The following PLXDC2 variants were observed in gnomAD, a reference collection of about 807,000 sequenced individuals.
The protein encoded by PLXDC2 is plexin domain-containing protein 2.
In PLXDC2, 40 loss-of-function variants were observed where a neutral mutation model predicts 68.9. That is an observed-to-expected ratio of 0.58 (90% CI 0.45 to 0.76). PLXDC2 has a LOEUF of 0.76. Among genes scored for constraint, PLXDC2 ranks in the 30% least tolerant of loss-of-function variants. The pLI is 0.00. For missense variants in PLXDC2, 644 were observed against 661.9 expected (o/e 0.97, Z 0.30); for synonymous variants, 243 against 234.2 (o/e 1.04, Z -0.34).
At chr10:19,976,422 C>A (rs1195321362) in intron 1 of PLXDC2, among the ~76,000 whole-genome samples, 3 of 152,126 alleles carry the variant, frequency 2.0e-5, no homozygotes, top group Non-Finnish European at 4.4e-5. Flanking sequence ...ACTCTGTTGG[C>A]CAGGCTGGTC....
chr10:20,072,747 A>G (rs1229331731), intron 4 of PLXDC2, among the ~76,000 whole-genome samples: 1 of 152,170 alleles, frequency 6.6e-6, no homozygotes, highest in African/African-American at 2.4e-5. Context: ...GTGGGAAAAC[A>G]CACATGGAGC....
intron 1 of PLXDC2, among the ~76,000 whole-genome samples, chr10:19,945,496 G>A (rs758402844): frequency 1.1e-4 from 17 of 152,164 alleles, no homozygotes; most frequent in Admixed American, 2.0e-4. Flanking sequence ...TGCCAAGGCC[G>A]GGCTGGCCTG....
At chr10:19,859,581 T>A (rs1837281627) in intron 1 of PLXDC2, among the ~76,000 whole-genome samples, 1 of 152,206 alleles carries the variant, frequency 6.6e-6, no homozygotes, top group African/African-American at 2.4e-5. Context: ...TGTAGTGTGT[T>A]GACCTGGGGA....
chr10:20,055,209 G>C (rs956813739), intron 3 of PLXDC2, among the ~76,000 whole-genome samples: 2 of 152,022 alleles, frequency 1.3e-5, no homozygotes, highest in Admixed American at 1.3e-4. Flanking sequence ...TGACATTTCT[G>C]ACTACTTGAA....
chr10:19,894,517 T>A (rs573890884), intron 1 of PLXDC2, among the ~76,000 whole-genome samples: 1 of 152,332 alleles, frequency 6.6e-6, no homozygotes, highest in East Asian at 1.9e-4. Context: ...TTTTCTTTTT[T>A]ACTTGAATTT....
At chr10:19,827,481 G>T (rs1014525322) in intron 1 of PLXDC2, among the ~76,000 whole-genome samples, 1 of 152,078 alleles carries the variant, frequency 6.6e-6, no homozygotes, top group Non-Finnish European at 1.5e-5. Flanking sequence ...AAACAACTGG[G>T]AGACTACGTA....
At chr10:20,265,170 CATAA>C (rs1196458360) in intron 13 of PLXDC2, among the ~76,000 whole-genome samples, 2 of 152,106 alleles carry the variant, frequency 1.3e-5, no homozygotes, top group East Asian at 1.9e-4. Flanking sequence ...GTAGAAAGGG[CATAA>C]ATAAATTATT....
At chr10:20,116,371 C>T (rs184709818) in intron 4 of PLXDC2, among the ~76,000 whole-genome samples, 1 of 152,234 alleles carries the variant, frequency 6.6e-6, no homozygotes, top group East Asian at 1.9e-4. Context: ...CTTATCTGTT[C>T]TCGGGTTGTC....
intron 9 of PLXDC2, 114 bp from the exon 10 acceptor site, chr10:20,211,555 G>A: frequency 1.1e-6 from 1 of 871,792 alleles, no homozygotes; most frequent in South Asian, 1.9e-5. Flanking sequence ...TTAATGTTAT[G>A]CTAAACTGAA....
intron 2 of PLXDC2, among the ~76,000 whole-genome samples, chr10:20,042,043 C>A (rs1057225467): frequency 1.3e-5 from 2 of 152,182 alleles, no homozygotes; most frequent in Non-Finnish European, 2.9e-5. Context: ...AACATTCAAT[C>A]CATAACATTC....
Position 20,096,023 on chromosome 10 carries a change from A to T in PLXDC2, c.541+27784A>T, listed in dbSNP as rs574952409. Among the ~76,000 whole-genome samples the T allele has an allele frequency of 4.7e-4, 72 of 152,302 alleles. 1 individual carries two copies. The South Asian group carries it at 0.014, about 29-fold the overall frequency. ...CATAGTATGCAGTTTTTCCCAAATT[A>T]ATTTGGCCATAGAACTCCTTCTTTC... On this transcript the variant is annotated intron_variant, in intron 4 of 13. Coordinates refer to ENST00000377252, the MANE Select transcript of PLXDC2 (RefSeq NM_032812.9).
At chr10:20,116,323 C>A (rs1833621140) in intron 4 of PLXDC2, among the ~76,000 whole-genome samples, 1 of 152,122 alleles carries the variant, frequency 6.6e-6, no homozygotes, top group Non-Finnish European at 1.5e-5. Flanking sequence ...CTCTTGGTTG[C>A]ACCAGTTAAA....
intron 1 of PLXDC2, among the ~76,000 whole-genome samples, chr10:19,887,550 A>C (rs1837871143): frequency 6.6e-6 from 1 of 151,740 alleles, no homozygotes. Flanking sequence ...AACAAAAAAC[A>C]AAAAAAACCC....
chr10:20,006,035 C>G (rs1405753386), intron 2 of PLXDC2, among the ~76,000 whole-genome samples: 1 of 151,916 alleles, frequency 6.6e-6, no homozygotes, highest in Non-Finnish European at 1.5e-5. Context: ...ACTAAAAATA[C>G]AAAAATTAGC....
intron 13 of PLXDC2, among the ~76,000 whole-genome samples, chr10:20,248,139 G>C (rs1027105414): frequency 6.6e-6 from 1 of 152,158 alleles, no homozygotes; most frequent in Non-Finnish European, 1.5e-5. Flanking sequence ...TGGTGAAAAA[G>C]AAGACACTGA....
chr10:20,258,783 G>T (rs1046609413), intron 13 of PLXDC2, among the ~76,000 whole-genome samples: 4 of 152,078 alleles, frequency 2.6e-5, no homozygotes, highest in Non-Finnish European at 4.4e-5. Context: ...CGAGGAGTGC[G>T]AATCACGAGG....
intron 1 of PLXDC2, among the ~76,000 whole-genome samples, chr10:19,917,275 A>AT: frequency 6.6e-6 from 1 of 152,112 alleles, no homozygotes; most frequent in East Asian, 1.9e-4. Flanking sequence ...ACTGTGTTCA[A>AT]TTTTTTGGTA....
chr10:20,119,827 T>C (rs1589638226), intron 4 of PLXDC2, among the ~76,000 whole-genome samples: 1 of 151,998 alleles, frequency 6.6e-6, no homozygotes, highest in Non-Finnish European at 1.5e-5. Context: ...GAAACATTTG[T>C]CATTTAGAAT....
intron 1 of PLXDC2, among the ~76,000 whole-genome samples, chr10:19,921,465 A>G (rs1833460854): frequency 1.3e-5 from 2 of 152,146 alleles, no homozygotes; most frequent in South Asian, 4.1e-4. Flanking sequence ...TCACTTAGGG[A>G]TTTGGCAAGT....
Sources: gnomAD v4.1 joint callset for allele counts (sites outside exome capture counted in the v4.1 genomes callset) on GRCh38, gnomAD v4.1.1 for gene constraint, MANE v1.5 for transcripts, NCBI Gene and HGNC (gene_info 2026-07-23, HGNC 2026-07-21) for gene names.